Variants in DNAI4 observed in about 807,000 individuals in gnomAD.
DNAI4 encodes WD repeat domain 78.
DNAI4 carries 85 observed loss-of-function variants against 105.8 expected under a neutral mutation model. That is an observed-to-expected ratio of 0.80 (90% CI 0.67 to 0.96). The LOEUF (loss-of-function observed/expected upper bound fraction) is 0.96. Among genes scored for constraint, DNAI4 ranks in the 40% least tolerant of loss-of-function variants. DNAI4 has a pLI of 0.00. For missense variants in DNAI4, 1,014 were observed against 1,005.6 expected (o/e 1.01, Z -0.11); for synonymous variants, 352 against 331.5 (o/e 1.06, Z -0.67).
chr1:66,848,367 G>T (rs1030720456), intron 7 of DNAI4: 8 of 399,212 alleles, frequency 2.0e-5, no homozygotes, highest in African/African-American at 8.4e-5. Context: ...GGCCCAATAA[G>T]ATTATCCAGG....
intron 7 of DNAI4, among the ~76,000 whole-genome samples, chr1:66,856,512 T>C (rs1488461348): frequency 6.6e-6 from 1 of 151,930 alleles, no homozygotes; most frequent in African/African-American, 2.4e-5. Flanking sequence ...TCTTATAAAA[T>C]AGTTAATCGA....
At chr1:66,919,308 C>T (rs1274954563) in intron 1 of DNAI4, among the ~76,000 whole-genome samples, 1 of 152,160 alleles carries the variant, frequency 6.6e-6, no homozygotes, top group Non-Finnish European at 1.5e-5. Context: ...TCTAGTCTAA[C>T]AGCCATCTCA....
At chr1:66,862,441 G>T in intron 6 of DNAI4, 139 bp from the exon 7 acceptor site, 1 of 838,186 alleles carries the variant, frequency 1.2e-6, no homozygotes, top group Non-Finnish European at 1.8e-6. Flanking sequence ...CAGCTACTTG[G>T]TCCACCTGAG....
chr1:66,914,333 T>C (rs1298757796), intron 1 of DNAI4, among the ~76,000 whole-genome samples: 2 of 152,190 alleles, frequency 1.3e-5, no homozygotes, highest in Admixed American at 6.5e-5. Flanking sequence ...TTTCCTTTTC[T>C]GCCTGCTCTA....
chr1:66,915,507 G>C (rs1431472659), intron 1 of DNAI4, among the ~76,000 whole-genome samples: 1 of 151,954 alleles, frequency 6.6e-6, no homozygotes, highest in Non-Finnish European at 1.5e-5. Context: ...AAAATAATTA[G>C]GTAAATGTAA....
chr1:66,909,908 T>C (rs1649532688), intron 1 of DNAI4, among the ~76,000 whole-genome samples: 1 of 152,204 alleles, frequency 6.6e-6, no homozygotes, highest in African/African-American at 2.4e-5. Context: ...TCCATTCATT[T>C]GTCACCACTC....
At chr1:66,863,644 A>G (rs1379860838) in intron 6 of DNAI4, among the ~76,000 whole-genome samples, 1 of 151,946 alleles carries the variant, frequency 6.6e-6, no homozygotes, top group Non-Finnish European at 1.5e-5. Context: ...TTTTTAGTAG[A>G]GATGGGGTTC....
At chr1:66,854,758 C>T (rs1303561674) in intron 7 of DNAI4, among the ~76,000 whole-genome samples, 1 of 152,134 alleles carries the variant, frequency 6.6e-6, no homozygotes, top group Non-Finnish European at 1.5e-5. Flanking sequence ...GAGCCAAGAT[C>T]ATGCCACTGT....
At chr1:66,889,888 A>G (rs983796550) in intron 4 of DNAI4, among the ~76,000 whole-genome samples, 1 of 152,188 alleles carries the variant, frequency 6.6e-6, no homozygotes, top group African/African-American at 2.4e-5. Flanking sequence ...TCAAAAGTCA[A>G]TAATGTTCTC....
chr1:66,858,361 C>A (rs2100585735), intron 7 of DNAI4, among the ~76,000 whole-genome samples: 1 of 151,242 alleles, frequency 6.6e-6, no homozygotes, highest in Non-Finnish European at 1.5e-5. Context: ...AACCCCGTCT[C>A]TACTAAAAAA....
rs763475592 is a variant in DNAI4, at chr1:66,875,024, G to A, written c.644-87C>T. The A allele has an allele frequency of 2.9e-4, 356 of 1,213,844 alleles. 2 individuals carry two copies. The highest frequency in any genetic ancestry group is 6.8e-5 in the Non-Finnish European group (60 of 880,398). 75.2% of individuals were successfully genotyped at this position (1,213,844 alleles called of 1,614,324 possible). A position where few individuals can be genotyped will look rare whatever the true frequency, so the allele number is the denominator to read the frequency against. ...TTCTAGTCACCAATATACCATAATGGGTAATATATTGCAGGTGGTTTATAT... is the reference window on the plus strand; with the variant it reads ...TTCTAGTCACCAATATACCATAATGAGTAATATATTGCAGGTGGTTTATAT... On this transcript the variant is annotated intron_variant, in intron 4 of 16. Transcript: ENST00000371026.
At chr1:66,874,348 T>A (rs1315605576) in intron 5 of DNAI4, among the ~76,000 whole-genome samples, 1 of 152,170 alleles carries the variant, frequency 6.6e-6, no homozygotes, top group Non-Finnish European at 1.5e-5. Context: ...ATATTTTGCC[T>A]TCCTAAGTTT....
At chr1:66,817,873 T>C (rs1422521700) in intron 16 of DNAI4, among the ~76,000 whole-genome samples, 9 of 152,192 alleles carry the variant, frequency 5.9e-5, no homozygotes, top group Admixed American at 5.9e-4. Context: ...GGCTGGCAGC[T>C]AAGGTAATTA....
chr1:66,840,257 T>G (rs1646120945), intron 9 of DNAI4, among the ~76,000 whole-genome samples: 1 of 152,242 alleles, frequency 6.6e-6, no homozygotes, highest in Admixed American at 6.5e-5. Context: ...ATTAAATGTT[T>G]ACTATATTAA....
rs542678522 is a variant in DNAI4, at chr1:66,832,567, A to G, written c.2013+1018T>C. Among the ~76,000 whole-genome samples the G allele has an allele frequency of 2.0e-5, 3 of 152,278 alleles. No individual in the cohort carries two copies. In the South Asian group the frequency reaches 6.2e-4, roughly 32 times the overall value. Reference sequence around the variant, plus strand: ...TGGTGGGGATGGTTAATGGGTACAAAGAAATAGAATGAATGAATAATATCT... The same window carrying G: ...TGGTGGGGATGGTTAATGGGTACAAGGAAATAGAATGAATGAATAATATCT... On this transcript the variant is annotated intron_variant, in intron 13 of 16. Coordinates refer to ENST00000371026, the MANE Select transcript of DNAI4 (RefSeq NM_024763.5).
chr1:66,921,895 ATTT>A (rs71058482), intron 1 of DNAI4, among the ~76,000 whole-genome samples: 94 of 124,458 alleles, frequency 7.6e-4, no homozygotes, highest in African/African-American at 1.6e-3. Flanking sequence ...ACTTGTAGAA[ATTT>A]TTTTTTTTTT....
chr1:66,855,715 G>A (rs953340924), intron 7 of DNAI4, among the ~76,000 whole-genome samples: 10 of 152,166 alleles, frequency 6.6e-5, no homozygotes, highest in Non-Finnish European at 1.3e-4. Context: ...AATATGTAAA[G>A]CCCACTGATA....
intron 1 of DNAI4, chr1:66,919,043 C>T: frequency 2.4e-6 from 1 of 420,020 alleles, no homozygotes; most frequent in East Asian, 7.5e-5. Context: ...CCCCTCCCTG[C>T]TTCAAGTTGT....
chr1:66,875,394 G>A (rs543572709), intron 4 of DNAI4, among the ~76,000 whole-genome samples: 2 of 152,200 alleles, frequency 1.3e-5, no homozygotes, highest in African/African-American at 4.8e-5. Context: ...TAATTTAGAT[G>A]TCATTCCACC....
Sources: gnomAD v4.1 joint callset for allele counts (sites outside exome capture counted in the v4.1 genomes callset) on GRCh38, gnomAD v4.1.1 for gene constraint, MANE v1.5 for transcripts, NCBI Gene and HGNC (gene_info 2026-07-23, HGNC 2026-07-21) for gene names.